The following FYCO1 variants were observed in gnomAD, a reference collection of about 807,000 sequenced individuals.
FYCO1 encodes the protein FYVE and coiled-coil domain-containing protein 1.
A neutral mutation model predicts 165.1 loss-of-function variants in FYCO1; 122 were observed. The ratio of observed to expected loss-of-function variants is 0.74; its 90% CI spans 0.64 to 0.86. The LOEUF (loss-of-function observed/expected upper bound fraction) is 0.86. Ranked by LOEUF, FYCO1 falls within the 40% of genes least tolerant of loss-of-function variation. FYCO1 has a pLI of 0.00. For synonymous variants in FYCO1, 648 were observed against 742.5 expected, an observed-to-expected ratio of 0.87 and a Z score of 2.07; for missense variants, 1,702 against 1,810.3, an observed-to-expected ratio of 0.94 and a Z score of 1.09.
rs141955108 is a variant in FYCO1, at chr3:45,947,368, G to A, written c.3944+7881C>T. The A allele has an allele frequency of 3.5e-5, 57 of 1,614,072 alleles. 1 individual carries two copies. The highest frequency in any genetic ancestry group is 4.4e-5 in the Non-Finnish European group (52 of 1,180,042). ...TATGCCTTTGTCAGCCTGAAGTTTCGAAAGAACTTCTGGAAACTTGTGAAG... is the reference window on the plus strand; with the variant it reads ...TATGCCTTTGTCAGCCTGAAGTTTCAAAAGAACTTCTGGAAACTTGTGAAG... On this transcript the variant is annotated intron_variant, in intron 14 of 17. Transcript: ENST00000296137.
chr3:45,935,314 A>G (rs1703834750), intron 15 of FYCO1, among the ~76,000 whole-genome samples: 1 of 152,144 alleles, frequency 6.6e-6, no homozygotes, highest in Non-Finnish European at 1.5e-5. Context: ...TTCAACTGTA[A>G]ATTAGATTAA....
chr3:45,931,532 A>G (rs1703628311), intron 15 of FYCO1, among the ~76,000 whole-genome samples: 1 of 152,152 alleles, frequency 6.6e-6, no homozygotes, highest in Admixed American at 6.5e-5. Context: ...TACAGATGAC[A>G]CCTTTGCCTG....
chr3:45,959,309 T>C, intron 12 of FYCO1, 84 bp downstream of exon 12: 9 of 1,467,258 alleles, frequency 6.1e-6, no homozygotes, highest in Non-Finnish European at 8.6e-6. Context: ...CCAACACCTA[T>C]CACAGAGTCC....
rs755342670 is a variant in FYCO1 at position 45,958,630 on chromosome 3, A to C, written c.3588-11T>G. On this transcript the variant is annotated splice_polypyrimidine_tract_variant and intron_variant, in intron 12 of 17. Transcript: ENST00000296137. ...ATGCGGCCACATATCCTGGGAACAAAACAAGCCCAGGCTGTGAGGATGACA... is the reference window on the plus strand; with the variant it reads ...ATGCGGCCACATATCCTGGGAACAACACAAGCCCAGGCTGTGAGGATGACA... 39 of 1,613,534 alleles carry C rather than the reference A, an allele frequency of 2.4e-5. No homozygotes were observed. Among genetic ancestry groups the C allele is most frequent in the Non-Finnish European group, 3.3e-5 (39 of 1,179,560 alleles).
Position 45,930,919 on chromosome 3 carries a change from G to A in FYCO1, c.4251+152C>T. On this transcript the variant is annotated intron_variant, in intron 16 of 17. Coordinates refer to ENST00000296137, the MANE Select transcript of FYCO1 (RefSeq NM_024513.4). Reference sequence around the variant, plus strand: ...TCCCCAAACTGGACAAGGCCCAGGTGCTCTGCCTTCTCTGCATGATACTGC... The same window carrying A: ...TCCCCAAACTGGACAAGGCCCAGGTACTCTGCCTTCTCTGCATGATACTGC... 4 of 755,274 alleles carry A rather than the reference G, an allele frequency of 5.3e-6. No homozygotes were observed. The South Asian group carries it at 6.1e-5, about 11-fold the overall frequency. The allele number at this position is 755,274 out of a possible 1,614,324, so 46.8% of individuals were successfully genotyped here.
rs778361212 is a variant in FYCO1, at chr3:45,921,761, G to A, written c.*4C>T. On this transcript the variant is annotated 3_prime_UTR_variant, in exon 18 of 18. Transcript: ENST00000296137. ...GATGAAGTGAAGTTACTGAGGTGCT[G>A]AAGCTACAGGAAATCACTTCCATCG... 6.9e-6 allele frequency: 11 copies of A among 1,592,928 alleles called. No homozygotes were observed. In the East Asian group the frequency reaches 2.2e-4, roughly 32 times the overall value.
At position 45,968,592 on chromosome 3, in the gene FYCO1, G is replaced by C; in HGVS notation, c.742C>G (p.Gln248Glu). ...ELDQLEVREK[Q>E]LRERMQQLDR... Reference sequence around the variant, plus strand: ...AGCTGCTGCATGCGCTCCCGTAGCTGCTTCTCCCGCACCTCCAACTGGTCC... The same window carrying C: ...AGCTGCTGCATGCGCTCCCGTAGCTCCTTCTCCCGCACCTCCAACTGGTCC... The change falls in exon 8 of 18, where the codon CAG (glutamine) becomes GAG (glutamate). Residue 248 changes from glutamine to glutamate, a missense_variant. Coordinates refer to ENST00000296137, the MANE Select transcript of FYCO1 (RefSeq NM_024513.4). 6.2e-7 allele frequency: 1 copy of C among 1,613,936 alleles called. No homozygotes were observed. The highest frequency in any genetic ancestry group is 8.5e-7 in the Non-Finnish European group (1 of 1,180,002).
chr3:45,993,930 G>A lies in FYCO1; in HGVS notation c.-113+1792C>T, dbSNP rs1174091001. ...GGGAAGCAGGGTGGGTGGGGGTGAG[G>A]GGGCTGCCATTTCTTGCGTACCTAC... On this transcript the variant is annotated intron_variant, in intron 1 of 17. Coordinates refer to ENST00000296137, the MANE Select transcript of FYCO1 (RefSeq NM_024513.4). The surrounding 1 kb of genome is among the most constrained non-coding windows in gnomAD (Gnocchi z 4.4). Among the ~76,000 whole-genome samples the A allele has an allele frequency of 6.6e-6, 1 of 152,154 alleles. No homozygotes were observed. The highest frequency in any genetic ancestry group is 6.5e-5 in the Admixed American group (1 of 15,278).
intron 4 of FYCO1, among the ~76,000 whole-genome samples, chr3:45,979,288 C>T (rs564231380): frequency 1.6e-3 from 242 of 152,324 alleles, no homozygotes; most frequent in Non-Finnish European, 3.0e-3. Context: ...ATTCTTATTT[C>T]AAATCTAAGT....
At chr3:45,942,666 C>T (rs1391171159) in intron 14 of FYCO1, among the ~76,000 whole-genome samples, 3 of 152,200 alleles carry the variant, frequency 2.0e-5, no homozygotes, top group East Asian at 1.9e-4. Flanking sequence ...TGCCTTCCAG[C>T]GTTATTTCCC....
intron 14 of FYCO1, chr3:45,946,546 A>C: frequency 6.2e-7 from 1 of 1,614,176 alleles, no homozygotes. Flanking sequence ...AGCCAGGAGG[A>C]GCATCAAGAC....
chr3:45,955,489 T>G (rs1425306370), intron 13 of FYCO1, 96 bp from the exon 14 acceptor site: 3 of 1,349,092 alleles, frequency 2.2e-6, no homozygotes, highest in African/African-American at 2.9e-5. Flanking sequence ...AGTGCAGCTA[T>G]GCAGAACAAG....
chr3:45,946,371 T>C (rs918356999), intron 14 of FYCO1: 1 of 912,568 alleles, frequency 1.1e-6, no homozygotes, highest in African/African-American at 1.7e-5. Flanking sequence ...AAGATGACTA[T>C]TTGCCCCCTA....
chr3:45,941,166 C>T lies in FYCO1; in HGVS notation c.3945-4623G>A, dbSNP rs562752574. 5 of 152,242 alleles carry T rather than the reference C, an allele frequency of 3.3e-5. No homozygotes were observed. In the South Asian group the frequency reaches 1.0e-3, roughly 32 times the overall value. 9.4% of individuals were successfully genotyped at this position (152,242 alleles called of 1,614,324 possible). On this transcript the variant is annotated intron_variant, in intron 14 of 17. Coordinates refer to ENST00000296137, the MANE Select transcript of FYCO1 (RefSeq NM_024513.4). ...TCTTGAGTACTGGGACTATAAGTGC[C>T]CACTGCCACGCCTGGCTGGTTAGGC...
At chr3:45,942,605 C>T (rs7627147) in intron 14 of FYCO1, among the ~76,000 whole-genome samples, 13,753 of 152,196 alleles carry the variant, frequency 0.09, 2,161 homozygotes, top group African/African-American at 0.32. Context: ...AGTACCCTCT[C>T]CACTACAAGG....
At chr3:45,943,600 A>C (rs1575342506) in intron 14 of FYCO1, 1 of 152,324 alleles carries the variant, frequency 6.6e-6, no homozygotes, top group South Asian at 2.1e-4. Flanking sequence ...AACCCCAGGT[A>C]TTGTTGGTAT....
At chr3:45,921,882 C>G in intron 17 of FYCO1, 42 bp from the exon 18 acceptor site, 1 of 1,365,354 alleles carries the variant, frequency 7.3e-7, no homozygotes, top group Non-Finnish European at 1.0e-6. Context: ...TACCTGAGAG[C>G]TGAAAGTCCG....
intron 11 of FYCO1, 103 bp from the exon 12 acceptor site, chr3:45,959,645 A>T: frequency 7.9e-7 from 1 of 1,272,660 alleles, no homozygotes; most frequent in Non-Finnish European, 1.1e-6. Context: ...CCTAAGTCAT[A>T]GAAAGAAAAT....
chr3:45,972,777 G>A (rs916572920), intron 6 of FYCO1, among the ~76,000 whole-genome samples: 1 of 152,156 alleles, frequency 6.6e-6, no homozygotes, highest in African/African-American at 2.4e-5. Context: ...AACAGGCACG[G>A]GAAAAAGCCC....
Sources: allele counts gnomAD v4.1 joint callset (sites outside exome capture counted in the v4.1 genomes callset), GRCh38; gene constraint gnomAD v4.1.1; non-coding constraint Gnocchi (gnomAD v3.1); transcripts MANE v1.5; gene names NCBI Gene and HGNC (gene_info 2026-07-23, HGNC 2026-07-21).